LINGO2: variants seen among roughly 807,000 people sequenced by gnomAD.
The protein encoded by LINGO2 is leucine-rich repeat and immunoglobulin-like domain-containing nogo receptor-interacting protein 2.
Under a neutral mutation model 30.6 loss-of-function variants are expected in LINGO2, and 14 were observed. The observed-to-expected ratio is 0.46, with a 90% CI of 0.30 to 0.72. LINGO2 has a LOEUF of 0.72. LINGO2 is among the 30% of genes least tolerant of loss of function. The pLI is 0.07. For missense variants in LINGO2, 729 were observed against 751.7 expected, an observed-to-expected ratio of 0.97 and a Z score of 0.35; for synonymous variants, 317 against 288.5, an observed-to-expected ratio of 1.10 and a Z score of -1.00.
chr9:28,447,995 C>A (rs1824496186), intron 2 of LINGO2, among the ~76,000 whole-genome samples: 1 of 152,014 alleles, frequency 6.6e-6, no homozygotes, highest in Non-Finnish European at 1.5e-5. Context: ...GAAGAGAGGT[C>A]TCTATTCCTG....
intron 2 of LINGO2, among the ~76,000 whole-genome samples, chr9:28,379,002 G>T (rs532878173): frequency 6.6e-6 from 1 of 151,982 alleles, no homozygotes; most frequent in South Asian, 2.1e-4. Context: ...AGATAAAGAC[G>T]GACAAAGGCA....
At chr9:28,300,880 A>G (rs62555388) in intron 3 of LINGO2, among the ~76,000 whole-genome samples, 31,991 of 143,942 alleles carry the variant, frequency 0.22, 4,094 homozygotes, top group African/African-American at 0.24. Flanking sequence ...TACATTGAAC[A>G]TGTCAGAACA....
At chr9:28,558,631 T>C (rs1025647428) in intron 1 of LINGO2, among the ~76,000 whole-genome samples, 2 of 152,096 alleles carry the variant, frequency 1.3e-5, no homozygotes, top group African/African-American at 4.8e-5. Flanking sequence ...TCATCTCTTT[T>C]GGCAAAAGTC....
the LINGO2 span, among the ~76,000 whole-genome samples, chr9:28,900,984 T>G: frequency 6.6e-6 from 1 of 151,880 alleles, no homozygotes; most frequent in Non-Finnish European, 1.5e-5. Flanking sequence ...CAAACACAAA[T>G]CAGATTCAAT....
chr9:29,191,142 T>C, the LINGO2 span, among the ~76,000 whole-genome samples: 1 of 152,196 alleles, frequency 6.6e-6, no homozygotes, highest in Non-Finnish European at 1.5e-5. Context: ...GATCACATTC[T>C]TAGTCAATAA....
upstream of LINGO2, among the ~76,000 whole-genome samples, chr9:28,674,406 G>A (rs1055443415): frequency 2.0e-5 from 3 of 152,064 alleles, no homozygotes; most frequent in Non-Finnish European, 4.4e-5. Context: ...GCTACTTGAA[G>A]TTTTACAAGG....
At chr9:28,064,250 T>A (rs1246198146) in intron 4 of LINGO2, among the ~76,000 whole-genome samples, 1 of 152,142 alleles carries the variant, frequency 6.6e-6, no homozygotes, top group Admixed American at 6.6e-5. Flanking sequence ...TTCCTAGCTT[T>A]TAAGTGCCTT....
chr9:28,902,203 G>A, the LINGO2 span, among the ~76,000 whole-genome samples: 1 of 152,040 alleles, frequency 6.6e-6, no homozygotes, highest in South Asian at 2.1e-4. Flanking sequence ...CCTAAAGAGA[G>A]CAGGTATAGC....
chr9:27,949,238 G>C, exon 6 of LINGO2: 1 of 1,614,012 alleles, frequency 6.2e-7, no homozygotes, highest in Non-Finnish European at 8.5e-7. Flanking sequence ...CATACATCCC[G>C]CTGTCTTGAT....
chr9:29,159,083 A>G, the LINGO2 span, among the ~76,000 whole-genome samples: 3 of 152,114 alleles, frequency 2.0e-5, no homozygotes, highest in Non-Finnish European at 4.4e-5. Context: ...AGCCATCCAT[A>G]AATGGCTCCA....
intron 4 of LINGO2, among the ~76,000 whole-genome samples, chr9:28,221,483 A>C (rs1402119422): frequency 6.6e-6 from 1 of 152,072 alleles, no homozygotes; most frequent in Admixed American, 6.6e-5. Context: ...TGCTACTCCT[A>C]ATTGGAAGTA....
At chr9:29,199,964 G>A in the LINGO2 span, among the ~76,000 whole-genome samples, 549 of 152,104 alleles carry the variant, frequency 3.6e-3, 2 homozygotes, top group African/African-American at 0.013. Flanking sequence ...GCTTCAAAGT[G>A]AAGCTTAACG....
intron 2 of LINGO2, among the ~76,000 whole-genome samples, chr9:28,468,300 A>G (rs566002838): frequency 6.6e-6 from 1 of 152,322 alleles, no homozygotes; most frequent in East Asian, 1.9e-4. Context: ...GAAAGAGCGA[A>G]GTAGATCATA....
At chr9:29,147,994 C>T in the LINGO2 span, among the ~76,000 whole-genome samples, 1 of 151,984 alleles carries the variant, frequency 6.6e-6, no homozygotes, top group Non-Finnish European at 1.5e-5. Context: ...TACAAAAATA[C>T]TTATTTAATC....
the LINGO2 span, among the ~76,000 whole-genome samples, chr9:29,100,172 A>G: frequency 6.6e-6 from 1 of 152,218 alleles, no homozygotes; most frequent in Non-Finnish European, 1.5e-5. Context: ...TGGGAGGTAA[A>G]AATAAAACAG....
At chr9:28,073,738 T>A (rs1825546814) in intron 4 of LINGO2, among the ~76,000 whole-genome samples, 1 of 152,140 alleles carries the variant, frequency 6.6e-6, no homozygotes, top group African/African-American at 2.4e-5. Flanking sequence ...TCAAGAACAT[T>A]TTGAAGGGGC....
the LINGO2 span, among the ~76,000 whole-genome samples, chr9:28,895,850 C>A: frequency 1.3e-5 from 2 of 151,952 alleles, no homozygotes; most frequent in African/African-American, 4.8e-5. Context: ...GGAAAAAAAA[C>A]TTCATTTTTT....
At chr9:29,202,407 C>T in the LINGO2 span, among the ~76,000 whole-genome samples, 34 of 151,984 alleles carry the variant, frequency 2.2e-4, no homozygotes, top group African/African-American at 8.0e-4. Flanking sequence ...TAGTAAGTAC[C>T]AGATTATTTT....
At chr9:29,203,590 ACTAAGACTAACATATAT>A in the LINGO2 span, among the ~76,000 whole-genome samples, 1,361 of 152,338 alleles carry the variant, frequency 8.9e-3, 10 homozygotes, top group African/African-American at 0.031. Flanking sequence ...CACTAATGTT[ACTAAGACTAACATATAT>A]GTGACTTTGT....
Sources: gnomAD v4.1 joint callset for allele counts (sites outside exome capture counted in the v4.1 genomes callset) on GRCh38, gnomAD v4.1.1 for gene constraint, MANE v1.5 for transcripts, NCBI Gene and HGNC (gene_info 2026-07-23, HGNC 2026-07-21) for gene names.